Variants in PRKCE observed in about 807,000 individuals in gnomAD.
PRKCE encodes protein kinase C epsilon.
PRKCE carries 16 observed loss-of-function variants against 85.4 expected under a neutral mutation model. The observed-to-expected ratio is 0.19, with a 90% CI of 0.13 to 0.28. The LOEUF is 0.28. PRKCE is among the 10% of genes least tolerant of loss of function. PRKCE has a pLI of 1.00. For synonymous variants in PRKCE, 388 were observed against 371.5 expected (o/e 1.04, Z -0.51); for missense variants, 573 against 975.2 (o/e 0.59, Z 5.49).
intron 1 of PRKCE, among the ~76,000 whole-genome samples, chr2:45,797,296 G>T (rs762767286): frequency 8.5e-5 from 13 of 152,174 alleles, no homozygotes; most frequent in Non-Finnish European, 1.5e-4. Context: ...GAAATAAGCT[G>T]CAGGGTGAAG....
chr2:45,759,407 G>A (rs1684259823), intron 1 of PRKCE, among the ~76,000 whole-genome samples: 1 of 152,204 alleles, frequency 6.6e-6, no homozygotes, highest in Non-Finnish European at 1.5e-5. Flanking sequence ...ATTTATCCAT[G>A]TCGGTGCAGG....
intron 10 of PRKCE, among the ~76,000 whole-genome samples, chr2:46,085,402 G>C: frequency 6.6e-6 from 1 of 152,208 alleles, no homozygotes; most frequent in East Asian, 1.9e-4. Context: ...CAAACTTGGT[G>C]CCTTAAAACA....
rs2104732292 is a variant in PRKCE, at chr2:46,001,932, A to G, written c.966+386A>G. The stretch of plus-strand genomic sequence containing the variant: ...TTCACCCTTGGTATCATTATAATGG[A>G]GATAAATGGGTGAAGAACTGGAACC... On this transcript the variant is annotated intron_variant, in intron 7 of 14. Transcript: ENST00000306156. The surrounding 1 kb of genome is among the most constrained non-coding windows in gnomAD (Gnocchi z 4.4). Among the ~76,000 whole-genome samples the G allele has an allele frequency of 6.6e-6, 1 of 152,322 alleles. No homozygotes were observed. Among genetic ancestry groups the G allele is most frequent in the East Asian group, 1.9e-4 (1 of 5,178 alleles).
At chr2:45,956,324 T>A (rs1191645879) in intron 2 of PRKCE, among the ~76,000 whole-genome samples, 1 of 152,212 alleles carries the variant, frequency 6.6e-6, no homozygotes, top group Non-Finnish European at 1.5e-5. Context: ...TTTATTTCAT[T>A]TGAATAAATA....
At chr2:45,915,376 T>C (rs1466264534) in intron 2 of PRKCE, among the ~76,000 whole-genome samples, 1 of 152,236 alleles carries the variant, frequency 6.6e-6, no homozygotes, top group Non-Finnish European at 1.5e-5. Context: ...AGCACATCTT[T>C]AAGATCGATG....
At chr2:46,058,808 G>A (rs764574967) in intron 10 of PRKCE, among the ~76,000 whole-genome samples, 6 of 152,108 alleles carry the variant, frequency 3.9e-5, no homozygotes, top group Non-Finnish European at 8.8e-5. Flanking sequence ...TGATTCTCCC[G>A]GCTTAGCTTC....
At chr2:45,973,930 A>C (rs1290854911) in intron 2 of PRKCE, among the ~76,000 whole-genome samples, 1 of 152,240 alleles carries the variant, frequency 6.6e-6, no homozygotes, top group African/African-American at 2.4e-5. Flanking sequence ...TGTAAATCAA[A>C]TTGCATCTTA....
At chr2:45,969,670 C>T (rs1701978665) in intron 2 of PRKCE, among the ~76,000 whole-genome samples, 1 of 152,164 alleles carries the variant, frequency 6.6e-6, no homozygotes, top group South Asian at 2.1e-4. Context: ...CATGAGGGAG[C>T]ACCTCATTAC....
intron 2 of PRKCE, among the ~76,000 whole-genome samples, chr2:45,974,137 T>C (rs1040370898): frequency 4.6e-5 from 7 of 152,230 alleles, no homozygotes; most frequent in Non-Finnish European, 1.0e-4. Context: ...TTGGTTGTCA[T>C]ATTTTTGTTC....
At chr2:45,925,990 G>C (rs1284459895) in intron 2 of PRKCE, among the ~76,000 whole-genome samples, 3 of 152,224 alleles carry the variant, frequency 2.0e-5, no homozygotes, top group Admixed American at 6.5e-5. Flanking sequence ...CAGGTTGGGA[G>C]AATTCAGTGG....
intron 11 of PRKCE, among the ~76,000 whole-genome samples, chr2:46,111,450 C>T (rs1672246599): frequency 6.6e-6 from 1 of 152,182 alleles, no homozygotes; most frequent in Admixed American, 6.5e-5. Context: ...AAACTTTCGT[C>T]ACACCAAAAA....
rs1323735603 is a variant in PRKCE at position 45,978,827 on chromosome 2, C to A, written c.573-149C>A. On this transcript the variant is annotated intron_variant, in intron 3 of 14. Transcript: ENST00000306156. ...TTCTGGAAGGAGACATTTAAGGCAC[C>A]TTGCAAGTGAGAGAGAAATTACAAT... 4 of 659,854 alleles carry A rather than the reference C, an allele frequency of 6.1e-6. No individual in the cohort carries two copies. The African/African-American group carries it at 7.3e-5, about 12-fold the overall frequency. The allele number at this position is 659,854 out of a possible 1,614,324, so 40.9% of individuals were successfully genotyped here. A position where few individuals can be genotyped will look rare whatever the true frequency, so the allele number is the denominator to read the frequency against.
rs527998023 is a variant in PRKCE at position 45,815,986 on chromosome 2, T to G, written c.349-27014T>G. ...ACAAATGAGAAGCCAAGAGTGTTGA[T>G]GGTACCTTTATGGCGATTAATGCAA... On this transcript the variant is annotated intron_variant, in intron 1 of 14. Coordinates refer to ENST00000306156, the MANE Select transcript of PRKCE (RefSeq NM_005400.3). Among the ~76,000 whole-genome samples the G allele has an allele frequency of 2.0e-5, 3 of 152,358 alleles. No homozygotes were observed. The South Asian group carries it at 6.2e-4, about 32-fold the overall frequency.
chr2:46,142,100 C>G (rs3768737), intron 11 of PRKCE, among the ~76,000 whole-genome samples: 5,789 of 152,174 alleles, frequency 0.038, 160 homozygotes, highest in East Asian at 0.11. Context: ...GGTAAGAAAA[C>G]CATGAAGGAA....
chr2:45,917,095 T>C (rs1328088277), intron 2 of PRKCE, among the ~76,000 whole-genome samples: 1 of 152,146 alleles, frequency 6.6e-6, no homozygotes, highest in African/African-American at 2.4e-5. Context: ...TTTATTCTCT[T>C]ATCTGGCCCC....
intron 2 of PRKCE, among the ~76,000 whole-genome samples, chr2:45,860,245 G>A (rs534302387): frequency 5.7e-4 from 87 of 152,208 alleles, no homozygotes; most frequent in Non-Finnish European, 1.1e-3. Flanking sequence ...GTTAATAGTA[G>A]CCATGTTATC....
chr2:45,660,784 A>G (rs890903248), intron 1 of PRKCE, among the ~76,000 whole-genome samples: 2 of 152,230 alleles, frequency 1.3e-5, no homozygotes, highest in Admixed American at 1.3e-4. Context: ...TTATAATGCT[A>G]ATCAGCATGG....
chr2:46,054,604 G>A (rs1465134075), intron 10 of PRKCE, among the ~76,000 whole-genome samples: 2 of 152,132 alleles, frequency 1.3e-5, no homozygotes, highest in Non-Finnish European at 2.9e-5. Context: ...AGAATCTCAG[G>A]GCTTGAAGGT....
intron 14 of PRKCE, among the ~76,000 whole-genome samples, chr2:46,165,793 G>T (rs558603004): frequency 1.1e-3 from 175 of 152,332 alleles, no homozygotes; most frequent in African/African-American, 3.7e-3. Context: ...GGCTCCCAGG[G>T]CTTCAGCACT....
Sources: allele counts gnomAD v4.1 joint callset (sites outside exome capture counted in the v4.1 genomes callset), GRCh38; gene constraint gnomAD v4.1.1; non-coding constraint Gnocchi (gnomAD v3.1); transcripts MANE v1.5; gene names NCBI Gene and HGNC (gene_info 2026-07-23, HGNC 2026-07-21).